The following DUSP22 variants were observed in gnomAD, a reference collection of about 807,000 sequenced individuals.
DUSP22 encodes dual specificity phosphatase 22.
Under a neutral mutation model 24.5 loss-of-function variants are expected in DUSP22, and 24 were observed. The ratio of observed to expected loss-of-function variants is 0.98; its 90% CI spans 0.71 to 1.38. The LOEUF is 1.38. Among genes scored for constraint, DUSP22 ranks in the 40% most tolerant of loss-of-function variants. DUSP22 has a pLI of 0.00. For synonymous variants in DUSP22, 160 were observed against 106.4 expected, an observed-to-expected ratio of 1.50 and a Z score of -3.10; for missense variants, 330 against 269.2, an observed-to-expected ratio of 1.23 and a Z score of -1.58.
At chr6:301,191 C>T (rs1340268849) in intron 1 of DUSP22, among the ~76,000 whole-genome samples, 1 of 152,278 alleles carries the variant, frequency 6.6e-6, no homozygotes, top group African/African-American at 2.4e-5. Flanking sequence ...GAAAGGGTTT[C>T]AGAGACTGGA....
At chr6:298,942 C>T (rs1200500518) in intron 1 of DUSP22, among the ~76,000 whole-genome samples, 1 of 152,308 alleles carries the variant, frequency 6.6e-6, no homozygotes, top group Non-Finnish European at 1.5e-5. Flanking sequence ...GAAAATAAAA[C>T]AAGGCGATAT....
chr6:311,304 C>G (rs1758076830), intron 2 of DUSP22, among the ~76,000 whole-genome samples: 1 of 152,302 alleles, frequency 6.6e-6, no homozygotes, highest in Non-Finnish European at 1.5e-5. Flanking sequence ...CTTTCTGCAC[C>G]TGATCATTTA....
chr6:296,474 T>C (rs530072347), intron 1 of DUSP22, among the ~76,000 whole-genome samples: 152 of 152,368 alleles, frequency 1.0e-3, no homozygotes, highest in Non-Finnish European at 8.1e-4. Context: ...TGCTAAGATA[T>C]TAGTCTAGTA....
chr6:296,839 A>C (rs923504810), intron 1 of DUSP22, among the ~76,000 whole-genome samples: 1 of 152,306 alleles, frequency 6.6e-6, no homozygotes, highest in African/African-American at 2.4e-5. Flanking sequence ...TCTGGTTGGC[A>C]TCTTGCCCTC....
chr6:338,478 C>T (rs1759460491), intron 4 of DUSP22, among the ~76,000 whole-genome samples: 1 of 152,304 alleles, frequency 6.6e-6, no homozygotes, highest in Non-Finnish European at 1.5e-5. Flanking sequence ...TACCAAGTAT[C>T]AGGTGCTGAC....
Position 292,495 on chromosome 6 carries a change from C to T in DUSP22, c.-45C>T. On this transcript the variant is annotated 5_prime_UTR_variant, in exon 1 of 7. Coordinates refer to ENST00000419235, the MANE Select transcript of DUSP22 (RefSeq NM_001286555.3). ...CCTCCCTGTAACATGCCATAGTGCGCCTGCGACCACACGGCCGGGGCGCTA... is the reference window on the plus strand; with the variant it reads ...CCTCCCTGTAACATGCCATAGTGCGTCTGCGACCACACGGCCGGGGCGCTA... 1 of 1,600,910 alleles carries T rather than the reference C, an allele frequency of 6.2e-7. No individual in the cohort carries two copies. Among genetic ancestry groups the T allele is most frequent in the Non-Finnish European group, 8.5e-7 (1 of 1,174,314 alleles).
chr6:338,393 A>G (rs994203846), intron 4 of DUSP22, among the ~76,000 whole-genome samples: 11 of 152,298 alleles, frequency 7.2e-5, no homozygotes, highest in Non-Finnish European at 1.3e-4. Flanking sequence ...TATTTTCACC[A>G]TGTAATCAAA....
intron 1 of DUSP22, among the ~76,000 whole-genome samples, chr6:294,873 G>A (rs149245071): frequency 1.3e-3 from 191 of 152,344 alleles, no homozygotes; most frequent in African/African-American, 4.3e-3. Context: ...GAAAGCAGAA[G>A]ATGGGATGAA....
intron 4 of DUSP22, among the ~76,000 whole-genome samples, chr6:339,983 G>A (rs1431021047): frequency 6.6e-6 from 1 of 152,300 alleles, no homozygotes; most frequent in African/African-American, 2.4e-5. Flanking sequence ...GAAAATGAGA[G>A]CTGAAAGTGG....
intron 3 of DUSP22, among the ~76,000 whole-genome samples, chr6:323,091 CTT>C (rs1443465517): frequency 2.0e-5 from 3 of 152,304 alleles, no homozygotes; most frequent in Admixed American, 2.0e-4. Context: ...GTGCTCCAAT[CTT>C]ATTTTAAAAC....
intron 2 of DUSP22, among the ~76,000 whole-genome samples, chr6:310,630 C>T (rs918943638): frequency 4.6e-5 from 7 of 152,304 alleles, no homozygotes; most frequent in East Asian, 1.9e-4. Context: ...CTGCTTTTGA[C>T]GTCTGGGGAA....
In DUSP22 at chr6:350,269, AT is replaced by A; in HGVS notation, c.*1320del. 1 of 989,308 alleles carries A rather than the reference AT, an allele frequency of 1.0e-6. No individual in the cohort carries two copies. The highest frequency in any genetic ancestry group is 1.2e-6 in the Non-Finnish European group (1 of 832,642). 61.3% of individuals were successfully genotyped at this position (989,308 alleles called of 1,614,324 possible). A position where few individuals can be genotyped will look rare whatever the true frequency, so the allele number is the denominator to read the frequency against. On this transcript the variant is annotated 3_prime_UTR_variant, in exon 7 of 7. Coordinates refer to ENST00000419235, the MANE Select transcript of DUSP22 (RefSeq NM_001286555.3). ...TGCTTTCTGGTGGGTAAAATTCCACATTCAGGCCACGAGAGCATCTACAGTT... is the reference window on the plus strand; with the variant it reads ...TGCTTTCTGGTGGGTAAAATTCCACATCAGGCCACGAGAGCATCTACAGTT...
At chr6:318,733 G>A (rs914271553) in intron 3 of DUSP22, among the ~76,000 whole-genome samples, 5 of 152,310 alleles carry the variant, frequency 3.3e-5, no homozygotes, top group Non-Finnish European at 7.3e-5. Context: ...ACACAGATGT[G>A]TACAGATGTT....
At chr6:328,266 G>C (rs1758976795) in intron 3 of DUSP22, among the ~76,000 whole-genome samples, 1 of 152,302 alleles carries the variant, frequency 6.6e-6, no homozygotes, top group African/African-American at 2.4e-5. Context: ...TCCTGCAGCT[G>C]AACTGAAAGC....
chr6:350,649 C>A lies in DUSP22; in HGVS notation c.*1698C>A. Reference sequence around the variant, plus strand: ...ATCCGTCTACAGCTAAAACAATTTGCCAATAAAGTACATGTTTTTCCTAAG... The same window carrying A: ...ATCCGTCTACAGCTAAAACAATTTGACAATAAAGTACATGTTTTTCCTAAG... On this transcript the variant is annotated 3_prime_UTR_variant, in exon 7 of 7. Coordinates refer to ENST00000419235, the MANE Select transcript of DUSP22 (RefSeq NM_001286555.3). 1 of 1,494,334 alleles carries A rather than the reference C, an allele frequency of 6.7e-7. No homozygotes were observed. The highest frequency in any genetic ancestry group is 8.9e-7 in the Non-Finnish European group (1 of 1,122,882). 92.6% of individuals were successfully genotyped at this position (1,494,334 alleles called of 1,614,324 possible).
At chr6:294,377 T>TG (rs1465193550) in intron 1 of DUSP22, among the ~76,000 whole-genome samples, 1 of 152,262 alleles carries the variant, frequency 6.6e-6, no homozygotes, top group Non-Finnish European at 1.5e-5. Context: ...GGGAGTACAG[T>TG]GGTAAATGAC....
At chr6:308,639 T>C (rs1757933710) in intron 2 of DUSP22, among the ~76,000 whole-genome samples, 1 of 152,310 alleles carries the variant, frequency 6.6e-6, no homozygotes, top group South Asian at 2.1e-4. Flanking sequence ...CAGGCCACTT[T>C]AAAAAGATTC....
At position 351,112 on chromosome 6, in the gene DUSP22, A is replaced by T. The variant is rs1174311972; in HGVS notation, c.*2161A>T. ...GTACCTCGCTTGGATGCCTGTAAGG[A>T]TCCCGGGAGCCTTGCCGCACTGCCT... On this transcript the variant is annotated 3_prime_UTR_variant, in exon 7 of 7. Coordinates refer to ENST00000419235, the MANE Select transcript of DUSP22 (RefSeq NM_001286555.3). 4.8e-6 allele frequency: 3 copies of T among 625,560 alleles called. No homozygotes were observed. The African/African-American group carries it at 5.5e-5, about 11-fold the overall frequency. 38.8% of individuals were successfully genotyped at this position (625,560 alleles called of 1,614,324 possible). A position where few individuals can be genotyped will look rare whatever the true frequency, so the allele number is the denominator to read the frequency against.
At position 349,655 on chromosome 6, in the gene DUSP22, G is replaced by C. The variant is rs1461291671; in HGVS notation, c.*704G>C. The C allele has an allele frequency of 2.0e-6, 2 of 986,234 alleles. No homozygotes were observed. The highest frequency in any genetic ancestry group is 3.5e-5 in the African/African-American group (2 of 57,286). 61.1% of individuals were successfully genotyped at this position (986,234 alleles called of 1,614,324 possible). ...TGAGAGACTGCCCTGAGCTGGTCCA[G>C]TGGGCCAGCACTTTATACCAACTCA... is the stretch of plus-strand genomic sequence containing the variant. On this transcript the variant is annotated 3_prime_UTR_variant, in exon 7 of 7. Transcript: ENST00000419235.
Sources: allele counts gnomAD v4.1 joint callset (sites outside exome capture counted in the v4.1 genomes callset), GRCh38; gene constraint gnomAD v4.1.1; transcripts MANE v1.5; gene names NCBI Gene and HGNC (gene_info 2026-07-23, HGNC 2026-07-21).